The following PRICKLE2 variants were observed in gnomAD, a reference collection of about 807,000 sequenced individuals.
PRICKLE2 encodes prickle-like protein 2.
A neutral mutation model predicts 81.4 loss-of-function variants in PRICKLE2; 21 were observed. The observed-to-expected ratio is 0.26, with a 90% CI of 0.18 to 0.37. The LOEUF (loss-of-function observed/expected upper bound fraction) is 0.37, where lower values mean the gene tolerates loss of function less well. Among genes scored for constraint, PRICKLE2 ranks in the 10% least tolerant of loss-of-function variants. PRICKLE2 has a pLI of 1.00. For synonymous variants in PRICKLE2, 456 were observed against 421.5 expected (o/e 1.08, Z -1.00); for missense variants, 940 against 1,109.0 (o/e 0.85, Z 2.16).
At position 64,092,372 on chromosome 3, in the gene PRICKLE2, C is replaced by A. The variant is rs2076520973; in HGVS notation, c.*6679G>T. 6.6e-6 allele frequency: 1 copy of A among 152,170 alleles called. No homozygotes were observed. The highest frequency in any genetic ancestry group is 2.1e-4 in the South Asian group (1 of 4,830). The allele number at this position is 152,170 out of a possible 1,614,324, so 9.4% of individuals were successfully genotyped here. Reference sequence around the variant, plus strand: ...ACTACTTACTATTCCGAATGTCTTGCCTAGTTGAAAGTAAAGTTTGTAAAC... The same window carrying A: ...ACTACTTACTATTCCGAATGTCTTGACTAGTTGAAAGTAAAGTTTGTAAAC... On this transcript the variant is annotated 3_prime_UTR_variant, in exon 8 of 8. Transcript: ENST00000638394.
Position 64,146,981 on chromosome 3 carries a change from A to C in PRICKLE2, c.1509T>G (p.Tyr503Ter). 1 of 1,613,816 alleles carries C rather than the reference A, an allele frequency of 6.2e-7. No individual in the cohort carries two copies. Among genetic ancestry groups the C allele is most frequent in the Non-Finnish European group, 8.5e-7 (1 of 1,179,964 alleles). The change falls in exon 7 of 8, where the codon TAT (tyrosine) becomes TAG (stop). Residue 503 changes from tyrosine (Y) to a stop codon, truncating the protein, a stop_gained. Coordinates refer to ENST00000638394, the MANE Select transcript of PRICKLE2 (RefSeq NM_198859.4). LOFTEE classifies it high-confidence loss of function. The part of the protein sequence containing the change: ...ETRGSIQVPK[Y>*]EEEEEEEGGL... ...CCCCTTCCTCTTCCTCTTCCTCCTC[A>C]TATTTGGGGACTTGGATGCTGCCTC...
At chr3:64,123,925 G>T (rs1252349858) in intron 7 of PRICKLE2, among the ~76,000 whole-genome samples, 1 of 152,148 alleles carries the variant, frequency 6.6e-6, no homozygotes, top group African/African-American at 2.4e-5. Context: ...GTGAAAGGAA[G>T]AGTCGTGCAC....
In PRICKLE2 at chr3:64,116,012, C is replaced by G. The variant is rs12107247; in HGVS notation, c.1661-16087G>C. ...ACAAACAATCTCTCAGACCACAGCACAATCAAATTAGAAATCAAGACTAAG... is the reference window on the plus strand; with the variant it reads ...ACAAACAATCTCTCAGACCACAGCAGAATCAAATTAGAAATCAAGACTAAG... On this transcript the variant is annotated intron_variant, in intron 7 of 7. Coordinates refer to ENST00000638394, the MANE Select transcript of PRICKLE2 (RefSeq NM_198859.4). Among the ~76,000 whole-genome samples, 906 of 152,242 alleles carry G rather than the reference C, an allele frequency of 6.0e-3. 10 individuals are homozygous for G. Among genetic ancestry groups the G allele is most frequent in the African/African-American group, 0.021 (876 of 41,532 alleles).
At chr3:64,158,078 G>A (rs778200678) in intron 4 of PRICKLE2, among the ~76,000 whole-genome samples, 2 of 152,214 alleles carry the variant, frequency 1.3e-5, no homozygotes, top group African/African-American at 2.4e-5. Flanking sequence ...TTGGGGTTGG[G>A]ACAAAAAGAA....
chr3:64,238,966 G>C (rs1039145738), intron 2 of PRICKLE2, among the ~76,000 whole-genome samples: 2 of 152,004 alleles, frequency 1.3e-5, no homozygotes, highest in African/African-American at 4.8e-5. Flanking sequence ...CTGGCAGCCA[G>C]GGCAGTTTTC....
chr3:64,151,351 C>T (rs912337101), intron 6 of PRICKLE2, among the ~76,000 whole-genome samples: 19 of 152,166 alleles, frequency 1.2e-4, no homozygotes, highest in Admixed American at 1.0e-3. Context: ...ACACTGACAC[C>T]CTTTAATGGA....
At chr3:64,189,210 G>T (rs534546715) in intron 2 of PRICKLE2, among the ~76,000 whole-genome samples, 1 of 152,204 alleles carries the variant, frequency 6.6e-6, no homozygotes, top group African/African-American at 2.4e-5. Context: ...AGTGAGAAGA[G>T]ATAAGGATAA....
chr3:64,143,526 T>C (rs2077396707), intron 7 of PRICKLE2, among the ~76,000 whole-genome samples: 1 of 152,170 alleles, frequency 6.6e-6, no homozygotes, highest in African/African-American at 2.4e-5. Flanking sequence ...CTTTCCAGCA[T>C]TCCTCAACCT....
At chr3:64,202,205 T>G (rs905489958) in intron 1 of PRICKLE2, among the ~76,000 whole-genome samples, 1 of 152,226 alleles carries the variant, frequency 6.6e-6, no homozygotes, top group Non-Finnish European at 1.5e-5. Context: ...CTTAAAAAAC[T>G]GTTTTGGCTC....
chr3:64,205,192 G>T (rs959646690), intron 1 of PRICKLE2, among the ~76,000 whole-genome samples: 2 of 151,718 alleles, frequency 1.3e-5, no homozygotes, highest in Admixed American at 6.6e-5. Context: ...GTGAATGACA[G>T]GTTTCTGAGG....
intron 2 of PRICKLE2, among the ~76,000 whole-genome samples, chr3:64,193,748 G>C (rs999791787): frequency 1.3e-5 from 2 of 152,120 alleles, no homozygotes; most frequent in Non-Finnish European, 2.9e-5. Flanking sequence ...CCTCGTGATA[G>C]TAAGTCTCAC....
chr3:64,253,437 T>C (rs1327632482), intron 2 of PRICKLE2, among the ~76,000 whole-genome samples: 4 of 152,300 alleles, frequency 2.6e-5, no homozygotes, highest in African/African-American at 7.2e-5. Context: ...CTTCCCCAGT[T>C]ACTCTCTCAT....
intron 7 of PRICKLE2, among the ~76,000 whole-genome samples, chr3:64,106,458 G>A (rs2076757114): frequency 6.6e-6 from 1 of 152,170 alleles, no homozygotes; most frequent in Non-Finnish European, 1.5e-5. Flanking sequence ...TATGTTACAG[G>A]CAAACAAATA....
At chr3:64,246,225 A>G (rs952541706) in intron 2 of PRICKLE2, among the ~76,000 whole-genome samples, 1 of 152,064 alleles carries the variant, frequency 6.6e-6, no homozygotes, top group Admixed American at 6.6e-5. Flanking sequence ...CTGGGCGACA[A>G]AGCAAGACTC....
chr3:64,218,475 C>G (rs2078905594), intron 1 of PRICKLE2, among the ~76,000 whole-genome samples: 1 of 152,150 alleles, frequency 6.6e-6, no homozygotes, highest in Non-Finnish European at 1.5e-5. Context: ...CCAAGTTGGC[C>G]ACTAACTAGC....
intron 4 of PRICKLE2, among the ~76,000 whole-genome samples, chr3:64,158,282 T>G (rs935440240): frequency 2.6e-5 from 4 of 152,182 alleles, no homozygotes; most frequent in Non-Finnish European, 5.9e-5. Context: ...ATGCTATGCG[T>G]TGAAATGTAT....
chr3:64,230,678 C>T (rs1485740458), intron 2 of PRICKLE2, among the ~76,000 whole-genome samples: 2 of 152,178 alleles, frequency 1.3e-5, no homozygotes. Context: ...GAATTCACAT[C>T]TGGCCCAATT....
rs1361885551 is a variant in PRICKLE2 at position 64,095,410 on chromosome 3, A to T, written c.*3641T>A. Reference sequence around the variant, plus strand: ...AATCAGTTCACAAATAAGATTGGTTATCAGACCAATAAGATCAGTTCTGAT... The same window carrying T: ...AATCAGTTCACAAATAAGATTGGTTTTCAGACCAATAAGATCAGTTCTGAT... On this transcript the variant is annotated 3_prime_UTR_variant, in exon 8 of 8. Coordinates refer to ENST00000638394, the MANE Select transcript of PRICKLE2 (RefSeq NM_198859.4). 1.3e-5 allele frequency: 2 copies of T among 152,256 alleles called. No individual in the cohort carries two copies. The highest frequency in any genetic ancestry group is 2.9e-5 in the Non-Finnish European group (2 of 68,042). The allele number at this position is 152,256 out of a possible 1,614,324, so 9.4% of individuals were successfully genotyped here. A position where few individuals can be genotyped will look rare whatever the true frequency, so the allele number is the denominator to read the frequency against.
intron 2 of PRICKLE2, among the ~76,000 whole-genome samples, chr3:64,194,974 C>A (rs2078422346): frequency 6.6e-6 from 1 of 152,076 alleles, no homozygotes; most frequent in South Asian, 2.1e-4. Context: ...CCCAGGAGTT[C>A]AAGGTTGCAG....
Sources: allele counts gnomAD v4.1 joint callset (sites outside exome capture counted in the v4.1 genomes callset), GRCh38; gene constraint gnomAD v4.1.1; transcripts MANE v1.5; gene names NCBI Gene and HGNC (gene_info 2026-07-23, HGNC 2026-07-21).